Variants in SEM1 observed in about 807,000 individuals in gnomAD.
The protein encoded by SEM1 is 26S proteasome complex subunit SEM1.
In SEM1, 3 loss-of-function variants were observed where a neutral mutation model predicts 12.7. The observed-to-expected ratio is 0.24, with a 90% CI of 0.11 to 0.61. The LOEUF (loss-of-function observed/expected upper bound fraction) is 0.61. SEM1 is among the 20% of genes least tolerant of loss of function. The pLI, the probability that SEM1 is intolerant of heterozygous loss-of-function variation, is 0.88. For synonymous variants in SEM1, 30 were observed against 27.8 expected, an observed-to-expected ratio of 1.08 and a Z score of -0.25; for missense variants, 59 against 81.3, an observed-to-expected ratio of 0.73 and a Z score of 1.06.
At chr7:96,702,228 G>A (rs1288391632) in intron 1 of SEM1, among the ~76,000 whole-genome samples, 1 of 151,978 alleles carries the variant, frequency 6.6e-6, no homozygotes, top group African/African-American at 2.4e-5. Context: ...GGAGACATCT[G>A]TGTGAACCCA....
At chr7:96,520,562 G>A (rs1804236560) in intron 2 of SEM1, among the ~76,000 whole-genome samples, 1 of 152,082 alleles carries the variant, frequency 6.6e-6, no homozygotes, top group South Asian at 2.1e-4. Context: ...ATCCTGGTGG[G>A]TTACTCTCTA....
chr7:96,612,351 T>C (rs1234545201), intron 2 of SEM1, among the ~76,000 whole-genome samples: 2 of 152,176 alleles, frequency 1.3e-5, no homozygotes, highest in Non-Finnish European at 2.9e-5. Flanking sequence ...GTGACTTTCT[T>C]CTCTGGGTTA....
intron 2 of SEM1, among the ~76,000 whole-genome samples, chr7:96,550,257 T>C (rs2115835921): frequency 6.6e-6 from 1 of 152,314 alleles, no homozygotes; most frequent in Non-Finnish European, 1.5e-5. Flanking sequence ...TACATGGTTA[T>C]AATTGAAAAA....
chr7:96,667,973 C>T (rs2116564616), intron 2 of SEM1, among the ~76,000 whole-genome samples: 2 of 152,246 alleles, frequency 1.3e-5, no homozygotes, highest in South Asian at 4.1e-4. Context: ...TATTTTAACA[C>T]TGAAAAATTC....
At chr7:96,670,480 T>G (rs556277110), downstream of SEM1, among the ~76,000 whole-genome samples, 1 of 152,204 alleles carries the variant, frequency 6.6e-6, no homozygotes, top group Non-Finnish European at 1.5e-5. Flanking sequence ...TCAGGTTTAT[T>G]GACAGATGGC....
At chr7:96,649,677 A>G (rs1038540799) in intron 2 of SEM1, 1 of 152,226 alleles carries the variant, frequency 6.6e-6, no homozygotes, top group African/African-American at 2.4e-5. Context: ...CTGTGCCAGT[A>G]TCCCATTGTC....
chr7:96,616,596 T>TGGGTAC (rs1345332594), intron 2 of SEM1, among the ~76,000 whole-genome samples: 1 of 152,182 alleles, frequency 6.6e-6, no homozygotes, highest in Non-Finnish European at 1.5e-5. Flanking sequence ...CATTTGCTTC[T>TGGGTAC]GGGTACTTAG....
chr7:96,574,604 CCTGA>C (rs1806145912), intron 2 of SEM1, among the ~76,000 whole-genome samples: 1 of 152,138 alleles, frequency 6.6e-6, no homozygotes, highest in African/African-American at 2.4e-5. Context: ...ACTGTTGTTT[CCTGA>C]CTTTTTAATG....
chr7:96,523,648 G>T (rs960913417), intron 2 of SEM1, among the ~76,000 whole-genome samples: 1 of 151,952 alleles, frequency 6.6e-6, no homozygotes, highest in South Asian at 2.1e-4. Flanking sequence ...CCAACTCCTG[G>T]ATACTCTTCC....
At chr7:96,506,506 G>A (rs1230160470) in intron 3 of SEM1, 1 of 151,966 alleles carries the variant, frequency 6.6e-6, no homozygotes, top group Non-Finnish European at 1.5e-5. Flanking sequence ...ACTTCAAAAT[G>A]TCACCTAAGG....
intron 2 of SEM1, among the ~76,000 whole-genome samples, chr7:96,585,856 C>T (rs1306534976): frequency 3.3e-5 from 5 of 152,082 alleles, no homozygotes; most frequent in African/African-American, 7.2e-5. Context: ...CACTGACCTG[C>T]GCCCACTGTC....
intron 2 of SEM1, among the ~76,000 whole-genome samples, chr7:96,553,806 A>G (rs982945162): frequency 2.6e-5 from 4 of 152,170 alleles, no homozygotes; most frequent in Non-Finnish European, 5.9e-5. Context: ...TTTTCACGAT[A>G]TTGATTCTTC....
intron 2 of SEM1, among the ~76,000 whole-genome samples, chr7:96,632,616 T>C (rs1326778232): frequency 6.6e-6 from 1 of 152,030 alleles, no homozygotes; most frequent in Non-Finnish European, 1.5e-5. Flanking sequence ...GACAGGTTGA[T>C]GGGTGCAGCA....
intron 2 of SEM1, among the ~76,000 whole-genome samples, chr7:96,511,287 A>G (rs1053257272): frequency 6.6e-6 from 1 of 152,186 alleles, no homozygotes; most frequent in Admixed American, 6.6e-5. Context: ...CCTGCTGAGT[A>G]TTTAGGCACT....
downstream of SEM1, chr7:96,688,443 G>A (rs1789826839): frequency 6.6e-6 from 1 of 152,138 alleles, no homozygotes; most frequent in South Asian, 2.1e-4. Context: ...CACAGGTTTT[G>A]AAAGGTCACC....
intron 2 of SEM1, among the ~76,000 whole-genome samples, chr7:96,485,210 A>G (rs1375550964): frequency 6.6e-6 from 1 of 152,200 alleles, no homozygotes; most frequent in Non-Finnish European, 1.5e-5. Context: ...GTGTTAACCC[A>G]TTACCAACTA....
At chr7:96,629,325 C>CT (rs1443360816) in intron 2 of SEM1, among the ~76,000 whole-genome samples, 2 of 151,834 alleles carry the variant, frequency 1.3e-5, no homozygotes, top group Non-Finnish European at 2.9e-5. Flanking sequence ...TGCTTCATTG[C>CT]TTTTTTATTC....
chr7:96,638,112 C>G (rs556449283), intron 2 of SEM1, among the ~76,000 whole-genome samples: 200 of 152,142 alleles, frequency 1.3e-3, no homozygotes, highest in Non-Finnish European at 2.3e-3. Flanking sequence ...TTTTTATACT[C>G]AGTTATTAAT....
chr7:96,592,999 T>TAA (rs1554421689), intron 2 of SEM1, among the ~76,000 whole-genome samples: 1 of 128,084 alleles, frequency 7.8e-6, no homozygotes, highest in African/African-American at 3.0e-5. Flanking sequence ...TCTCCCATAT[T>TAA]AAAAAAAAAA....
Sources: gnomAD v4.1 joint callset for allele counts (sites outside exome capture counted in the v4.1 genomes callset) on GRCh38, gnomAD v4.1.1 for gene constraint, MANE v1.5 for transcripts, NCBI Gene and HGNC (gene_info 2026-07-23, HGNC 2026-07-21) for gene names.